RSU1: variants seen among roughly 807,000 people sequenced by gnomAD.
RSU1 encodes Ras suppressor protein 1, also known as rsu-1.
Under a neutral mutation model 31.1 loss-of-function variants are expected in RSU1, and 26 were observed. The ratio of observed to expected loss-of-function variants is 0.84; its 90% CI spans 0.61 to 1.16. The LOEUF (loss-of-function observed/expected upper bound fraction) is 1.16, where lower values mean the gene tolerates loss of function less well. RSU1 is among the 50% of genes most tolerant of loss of function. The probability of loss-of-function intolerance (pLI) is 0.00; values close to 1 mark genes in which losing one functional copy is unlikely to be tolerated. For missense variants in RSU1, 320 were observed against 339.1 expected (o/e 0.94, Z 0.44); for synonymous variants, 164 against 136.3 (o/e 1.20, Z -1.41).
At chr10:16,766,219 C>T (rs1016641449) in intron 3 of RSU1, among the ~76,000 whole-genome samples, 1 of 152,178 alleles carries the variant, frequency 6.6e-6, no homozygotes, top group African/African-American at 2.4e-5. Flanking sequence ...CGGAAGTGGC[C>T]GTTGATAAAA....
intron 7 of RSU1, among the ~76,000 whole-genome samples, chr10:16,702,790 G>A (rs1476722669): frequency 6.6e-6 from 1 of 152,132 alleles, no homozygotes; most frequent in Non-Finnish European, 1.5e-5. Context: ...AAGACTTTGG[G>A]GGACAGTTGG....
chr10:16,741,123 G>A (rs74931152), intron 7 of RSU1, among the ~76,000 whole-genome samples: 8,184 of 152,244 alleles, frequency 0.054, 253 homozygotes, highest in Non-Finnish European at 0.073. Flanking sequence ...ATATAAATAA[G>A]TGAAATAGCA....
intron 3 of RSU1, among the ~76,000 whole-genome samples, chr10:16,774,533 G>T (rs1232184954): frequency 1.3e-5 from 2 of 152,176 alleles, no homozygotes; most frequent in African/African-American, 2.4e-5. Flanking sequence ...TCACGCCACC[G>T]CATTCCAACC....
At chr10:16,679,729 G>T (rs1361104793) in intron 8 of RSU1, among the ~76,000 whole-genome samples, 1 of 152,038 alleles carries the variant, frequency 6.6e-6, no homozygotes, top group Admixed American at 6.6e-5. Flanking sequence ...TCTGTCTGAA[G>T]GCTCTCTATT....
chr10:16,765,531 A>G (rs1264561760), intron 3 of RSU1, among the ~76,000 whole-genome samples: 1 of 152,254 alleles, frequency 6.6e-6, no homozygotes, highest in Non-Finnish European at 1.5e-5. Flanking sequence ...ACATTTGAAA[A>G]TACAAATGTA....
intron 8 of RSU1, among the ~76,000 whole-genome samples, chr10:16,640,912 T>A (rs963877406): frequency 4.6e-5 from 7 of 152,208 alleles, no homozygotes; most frequent in Non-Finnish European, 7.3e-5. Flanking sequence ...TCTGAGGCAA[T>A]GCTGCGACTG....
chr10:16,693,055 CT>C (rs1434492142), intron 8 of RSU1, among the ~76,000 whole-genome samples: 2 of 152,120 alleles, frequency 1.3e-5, no homozygotes, highest in African/African-American at 4.8e-5. Flanking sequence ...CTCTGCCTCC[CT>C]GGCTCAAGCG....
chr10:16,625,811 G>A (rs1051047858), intron 8 of RSU1, among the ~76,000 whole-genome samples: 3 of 152,204 alleles, frequency 2.0e-5, no homozygotes, highest in Non-Finnish European at 4.4e-5. Context: ...GCAAGAGGTT[G>A]GGCTTTGAAG....
chr10:16,645,917 TATGTGTATATACAC>T (rs1834541793), intron 8 of RSU1, among the ~76,000 whole-genome samples: 1 of 33,608 alleles, frequency 3.0e-5, no homozygotes, highest in Non-Finnish European at 6.3e-5. Flanking sequence ...TATGTATATA[TATGTGTATATACAC>T]ATATGTGTAT....
chr10:16,710,812 C>T (rs1307799325), intron 7 of RSU1, among the ~76,000 whole-genome samples: 3 of 152,106 alleles, frequency 2.0e-5, no homozygotes, highest in African/African-American at 7.2e-5. Context: ...GCTATCCCTC[C>T]TCTTACCCCC....
intron 2 of RSU1, among the ~76,000 whole-genome samples, chr10:16,801,122 T>C (rs1267961578): frequency 6.6e-6 from 1 of 150,656 alleles, no homozygotes; most frequent in Admixed American, 6.6e-5. Flanking sequence ...GATCTAACTA[T>C]ATGTTATCTA....
At chr10:16,751,434 G>A (rs1460016076) in intron 7 of RSU1, among the ~76,000 whole-genome samples, 2 of 152,178 alleles carry the variant, frequency 1.3e-5, no homozygotes, top group Non-Finnish European at 2.9e-5. Flanking sequence ...CTTCCCTTTA[G>A]ACTAATATGG....
chr10:16,612,906 G>A (rs1011831618), intron 8 of RSU1, among the ~76,000 whole-genome samples: 3 of 150,354 alleles, frequency 2.0e-5, no homozygotes, highest in African/African-American at 4.9e-5. Flanking sequence ...TCTTCCCCCT[G>A]GTTATTTGTC....
chr10:16,659,478 T>G (rs1048610239), intron 8 of RSU1, among the ~76,000 whole-genome samples: 57 of 152,266 alleles, frequency 3.7e-4, no homozygotes, highest in African/African-American at 1.3e-3. Context: ...TGTAACTGCA[T>G]GATTTATTGA....
rs75461798 is a variant in RSU1 at position 16,637,707 on chromosome 10, T to C, written c.732-44211A>G. Among the ~76,000 whole-genome samples, 535 of 152,058 alleles carry C rather than the reference T, an allele frequency of 3.5e-3. 7 individuals are homozygous for C. The highest frequency in any genetic ancestry group is 0.012 in the African/African-American group (517 of 41,444). On this transcript the variant is annotated intron_variant, in intron 8 of 8. Coordinates refer to ENST00000345264, the MANE Select transcript of RSU1 (RefSeq NM_012425.4). ...TGAAGAGAAGCCATTCTAGGCATTA[T>C]AAGAGTGAGCATTTAGATGACCGCG...
intron 2 of RSU1, among the ~76,000 whole-genome samples, chr10:16,809,912 A>G (rs2131277541): frequency 6.6e-6 from 1 of 151,344 alleles, no homozygotes; most frequent in South Asian, 2.1e-4. Flanking sequence ...ATAATTTCTC[A>G]GTAGATAATT....
At chr10:16,766,021 A>G (rs1588521174) in intron 3 of RSU1, among the ~76,000 whole-genome samples, 1 of 152,250 alleles carries the variant, frequency 6.6e-6, no homozygotes, top group East Asian at 1.9e-4. Context: ...TGCTTATTAT[A>G]GTTTTGAGTC....
intron 7 of RSU1, among the ~76,000 whole-genome samples, chr10:16,726,687 A>AT (rs1242234660): frequency 6.6e-6 from 1 of 152,118 alleles, no homozygotes; most frequent in African/African-American, 2.4e-5. Flanking sequence ...ATGAATATAA[A>AT]TTACTTTTAT....
rs73601012 is a variant in RSU1 at position 16,607,162 on chromosome 10, A to G, written c.732-13666T>C. On this transcript the variant is annotated intron_variant, in intron 8 of 8. Coordinates refer to ENST00000345264, the MANE Select transcript of RSU1 (RefSeq NM_012425.4). ...ATCTGGTTGTTGAAAAGCATGCAGC[A>G]TTGACGCCCTTGTGCTCTTTCGTTC... Among the ~76,000 whole-genome samples the G allele has an allele frequency of 7.0e-3, 1,070 of 152,294 alleles. 15 individuals carry two copies. The highest frequency in any genetic ancestry group is 0.025 in the African/African-American group (1,026 of 41,562).
Sources: gnomAD v4.1 joint callset for allele counts (sites outside exome capture counted in the v4.1 genomes callset) on GRCh38, gnomAD v4.1.1 for gene constraint, MANE v1.5 for transcripts, NCBI Gene and HGNC (gene_info 2026-07-23, HGNC 2026-07-21) for gene names.